GALNT17: variants seen among roughly 807,000 people sequenced by gnomAD.
GALNT17 encodes the protein polypeptide N-acetylgalactosaminyltransferase 17.
GALNT17 carries 29 observed loss-of-function variants against 63.7 expected under a neutral mutation model. The ratio of observed to expected loss-of-function variants is 0.46; its 90% CI spans 0.34 to 0.62. The LOEUF (loss-of-function observed/expected upper bound fraction) is 0.62, where lower values mean the gene tolerates loss of function less well. GALNT17 is among the 20% of genes least tolerant of loss of function. The probability of loss-of-function intolerance (pLI) is 0.01; values close to 1 mark genes in which losing one functional copy is unlikely to be tolerated. For synonymous variants in GALNT17, 305 were observed against 318.3 expected (o/e 0.96, Z 0.45); for missense variants, 603 against 799.6 (o/e 0.75, Z 2.97).
chr7:71,551,862 T>C (rs1789082932), intron 5 of GALNT17, among the ~76,000 whole-genome samples: 1 of 152,036 alleles, frequency 6.6e-6, no homozygotes. Context: ...TGAGAATTTT[T>C]GTTTACTTCT....
At chr7:71,184,998 T>C (rs1239403373) in intron 1 of GALNT17, among the ~76,000 whole-genome samples, 1 of 116,232 alleles carries the variant, frequency 8.6e-6, no homozygotes, top group Admixed American at 9.0e-5. Context: ...CTTCCTTCCT[T>C]CTTCCTTCCC....
chr7:71,473,388 TC>T (rs1010848789), intron 5 of GALNT17, among the ~76,000 whole-genome samples: 4 of 152,320 alleles, frequency 2.6e-5, no homozygotes, highest in Middle Eastern at 3.4e-3. Context: ...ATACACATTT[TC>T]CTCAGAAAAG....
At chr7:71,569,118 C>T (rs147862829) in intron 5 of GALNT17, among the ~76,000 whole-genome samples, 3 of 152,068 alleles carry the variant, frequency 2.0e-5, no homozygotes, top group Non-Finnish European at 4.4e-5. Flanking sequence ...ACTAAAGGCA[C>T]GCACTACAAT....
chr7:71,690,029 T>TTG (rs1259967030), intron 9 of GALNT17, among the ~76,000 whole-genome samples: 1 of 151,296 alleles, frequency 6.6e-6, no homozygotes, highest in Non-Finnish European at 1.5e-5. Flanking sequence ...CTTTTTTTTT[T>TTG]TTTTTCTTTT....
At chr7:71,461,105 A>G (rs533779120) in intron 5 of GALNT17, among the ~76,000 whole-genome samples, 6 of 152,348 alleles carry the variant, frequency 3.9e-5, no homozygotes, top group Admixed American at 1.3e-4. Flanking sequence ...AAGGAGAGAC[A>G]TAAAACTTCA....
At chr7:71,133,075 G>T (rs760044625) in intron 1 of GALNT17, 35 bp downstream of exon 1, 2 of 1,482,452 alleles carry the variant, frequency 1.3e-6, no homozygotes, top group South Asian at 2.7e-5. Context: ...GGGGCTCGAC[G>T]CGGGCGGGCC....
chr7:71,181,024 G>C (rs1388156276), intron 1 of GALNT17, among the ~76,000 whole-genome samples: 2 of 152,140 alleles, frequency 1.3e-5, no homozygotes, highest in Non-Finnish European at 2.9e-5. Flanking sequence ...GGAGGCCGAG[G>C]CAGGCGGATC....
At chr7:71,430,141 C>A (rs1183969754) in intron 5 of GALNT17, among the ~76,000 whole-genome samples, 3 of 152,074 alleles carry the variant, frequency 2.0e-5, no homozygotes, top group Non-Finnish European at 4.4e-5. Flanking sequence ...GCCACTGCAC[C>A]TGACCCCACC....
At chr7:71,580,399 TGATAGATA>T (rs59745749) in intron 6 of GALNT17, among the ~76,000 whole-genome samples, 3,655 of 147,564 alleles carry the variant, frequency 0.025, 86 homozygotes, top group African/African-American at 0.064. Context: ...GATAGATGGA[TGATAGATA>T]GATAGATAGA....
intron 1 of GALNT17, among the ~76,000 whole-genome samples, chr7:71,135,692 C>T (rs1314348817): frequency 2.0e-5 from 3 of 152,184 alleles, no homozygotes; most frequent in African/African-American, 4.8e-5. Context: ...ACAGGGCCCT[C>T]GACCCACTGC....
intron 1 of GALNT17, among the ~76,000 whole-genome samples, chr7:71,234,632 A>C (rs1188515616): frequency 2.0e-5 from 3 of 152,148 alleles, no homozygotes; most frequent in Non-Finnish European, 4.4e-5. Context: ...GGGAAACTAA[A>C]CTGCACCCAC....
intron 2 of GALNT17, among the ~76,000 whole-genome samples, chr7:71,377,697 G>A (rs10224429): frequency 0.04 from 6,059 of 152,230 alleles, 346 homozygotes; most frequent in African/African-American, 0.12. Context: ...GTCAAGGGAG[G>A]GACCTGTAGT....
chr7:71,199,674 CA>C, intron 1 of GALNT17, among the ~76,000 whole-genome samples: 1 of 10,766 alleles, frequency 9.3e-5, no homozygotes, highest in Non-Finnish European at 3.5e-4. Flanking sequence ...TCCTTCCACC[CA>C]TCCATCCATC....
Position 71,571,272 on chromosome 7 carries a change from C to A in GALNT17, c.963-13C>A. 1.2e-6 allele frequency: 2 copies of A among 1,612,684 alleles called. No individual in the cohort carries two copies. Among genetic ancestry groups the A allele is most frequent in the Non-Finnish European group, 1.7e-6 (2 of 1,178,728 alleles). ...ACACCTCAATGAGCTTCCCTTCTTT[C>A]TCCCTCCCTCAGGACCCCAGCCATG... On this transcript the variant is annotated splice_polypyrimidine_tract_variant and intron_variant, in intron 5 of 10. Transcript: ENST00000333538.
intron 6 of GALNT17, among the ~76,000 whole-genome samples, chr7:71,610,150 G>T (rs1162817640): frequency 6.6e-6 from 1 of 152,058 alleles, no homozygotes. Context: ...TGATAATATA[G>T]AATTAAATAA....
chr7:71,208,744 A>C (rs1789320686), intron 1 of GALNT17, among the ~76,000 whole-genome samples: 1 of 151,824 alleles, frequency 6.6e-6, no homozygotes, highest in Non-Finnish European at 1.5e-5. Context: ...GAGCCACTAC[A>C]CCTGGCCACG....
At chr7:71,386,435 T>A (rs1468116408) in intron 2 of GALNT17, among the ~76,000 whole-genome samples, 2 of 152,176 alleles carry the variant, frequency 1.3e-5, no homozygotes, top group Non-Finnish European at 2.9e-5. Context: ...TGCATTAAAG[T>A]GCAGGTACCT....
At chr7:71,430,164 C>CA (rs547782917) in intron 5 of GALNT17, among the ~76,000 whole-genome samples, 264 of 151,570 alleles carry the variant, frequency 1.7e-3, no homozygotes, top group Middle Eastern at 3.4e-3. Context: ...GATTTCTTGA[C>CA]AAAAAAAACT....
chr7:71,309,989 A>G (rs1205479028), intron 1 of GALNT17, among the ~76,000 whole-genome samples: 1 of 152,134 alleles, frequency 6.6e-6, no homozygotes, highest in Non-Finnish European at 1.5e-5. Flanking sequence ...GTGATAGCGA[A>G]TAAGTCTCAC....
Sources: allele counts gnomAD v4.1 joint callset (sites outside exome capture counted in the v4.1 genomes callset), GRCh38; gene constraint gnomAD v4.1.1; transcripts MANE v1.5; gene names NCBI Gene and HGNC (gene_info 2026-07-23, HGNC 2026-07-21).